IQGAP2: variants seen among roughly 807,000 people sequenced by gnomAD.
IQGAP2 encodes the protein ras GTPase-activating-like protein IQGAP2.
Under a neutral mutation model 201.3 loss-of-function variants are expected in IQGAP2, and 173 were observed. That is an observed-to-expected ratio of 0.86 (90% CI 0.76 to 0.98). The LOEUF (loss-of-function observed/expected upper bound fraction) is 0.98. Among genes scored for constraint, IQGAP2 ranks in the 50% least tolerant of loss-of-function variants. IQGAP2 has a pLI of 0.00. For synonymous variants in IQGAP2, 675 were observed against 673.9 expected (o/e 1.00, Z -0.03); for missense variants, 1,687 against 1,864.8 (o/e 0.90, Z 1.76).
chr5:76,404,335 G>A (rs769279778), intron 1 of IQGAP2: 1 of 363,546 alleles, frequency 2.8e-6, no homozygotes, highest in Non-Finnish European at 3.8e-6. Context: ...TTGGCCGATC[G>A]TGAGTGGATG....
At chr5:76,437,237 G>C (rs1752758581) in intron 1 of IQGAP2, among the ~76,000 whole-genome samples, 1 of 151,876 alleles carries the variant, frequency 6.6e-6, no homozygotes, top group Non-Finnish European at 1.5e-5. Context: ...ATTTTTAGTA[G>C]AGATGGGGTT....
intron 4 of IQGAP2, among the ~76,000 whole-genome samples, chr5:76,574,099 T>G (rs1745306637): frequency 6.6e-6 from 1 of 152,318 alleles, no homozygotes; most frequent in East Asian, 1.9e-4. Flanking sequence ...AATAGGAAAT[T>G]GCACTTGAGT....
chr5:76,670,232 C>T (rs867421400), intron 23 of IQGAP2, among the ~76,000 whole-genome samples: 16 of 152,294 alleles, frequency 1.1e-4, no homozygotes, highest in South Asian at 4.1e-4. Context: ...AACAAAAAGG[C>T]CGGGCACGGT....
chr5:76,602,459 C>T (rs958045181), intron 11 of IQGAP2, among the ~76,000 whole-genome samples: 3 of 152,180 alleles, frequency 2.0e-5, no homozygotes, highest in African/African-American at 7.2e-5. Flanking sequence ...TTTACAAATA[C>T]CCTTAAAGAA....
chr5:76,581,959 C>G (rs1375285351), intron 5 of IQGAP2, among the ~76,000 whole-genome samples: 1 of 152,180 alleles, frequency 6.6e-6, no homozygotes, highest in East Asian at 1.9e-4. Context: ...ATTTATTTAA[C>G]AAAGAATAGT....
chr5:76,668,259 T>C (rs1006236459), intron 22 of IQGAP2, among the ~76,000 whole-genome samples: 2 of 152,110 alleles, frequency 1.3e-5, no homozygotes, highest in African/African-American at 4.8e-5. Flanking sequence ...AATATTAATA[T>C]GTGGTTCAAA....
At chr5:76,628,685 A>T (rs567618102) in intron 14 of IQGAP2, 1 of 456,202 alleles carries the variant, frequency 2.2e-6, no homozygotes, top group African/African-American at 2.0e-5. Flanking sequence ...TACTCCACAG[A>T]TGGGCTTTTC....
rs370925702 is a variant in IQGAP2, at chr5:76,662,579, A to G, written c.2530-2447A>G. The stretch of plus-strand genomic sequence containing the variant: ...TATTTAAAATCAAGGTGATAGATTT[A>G]TTCTGTGTATTTGAGGGAGTTGAAC... On this transcript the variant is annotated intron_variant, in intron 21 of 35. Coordinates refer to ENST00000274364, the MANE Select transcript of IQGAP2 (RefSeq NM_006633.5). Among the ~76,000 whole-genome samples, 7 of 152,358 alleles carry G rather than the reference A, an allele frequency of 4.6e-5. No homozygotes were observed. In the East Asian group the frequency reaches 9.6e-4, roughly 21 times the overall value.
chr5:76,508,438 A>G (rs1757741667), intron 2 of IQGAP2, among the ~76,000 whole-genome samples: 3 of 152,260 alleles, frequency 2.0e-5, no homozygotes. Flanking sequence ...TTACAAATTA[A>G]AACAGCAATG....
rs75619797 is a variant in IQGAP2, at chr5:76,523,641, A to G, written c.147-38755A>G. Among the ~76,000 whole-genome samples the G allele has an allele frequency of 3.3e-3, 500 of 152,342 alleles. 1 individual carries two copies. The highest frequency in any genetic ancestry group is 0.012 in the African/African-American group (481 of 41,582). ...CCAATCAGCTATGCAGTAAGAGCTC[A>G]GTTTTCATCCTCTAGCCCTGAATAG... On this transcript the variant is annotated intron_variant, in intron 2 of 35. Coordinates refer to ENST00000274364, the MANE Select transcript of IQGAP2 (RefSeq NM_006633.5).
intron 1 of IQGAP2, among the ~76,000 whole-genome samples, chr5:76,435,963 TG>T (rs1317670026): frequency 2.0e-5 from 3 of 147,576 alleles, no homozygotes; most frequent in African/African-American, 8.1e-5. Flanking sequence ...TTTTTTGTTT[TG>T]GTTTTTTTGG....
intron 1 of IQGAP2, among the ~76,000 whole-genome samples, chr5:76,456,693 G>A (rs12697851): frequency 0.21 from 32,649 of 152,148 alleles, 3,713 homozygotes; most frequent in Middle Eastern, 0.29. Flanking sequence ...ACTCTTAGAA[G>A]ATGGTTCAAT....
Position 76,606,154 on chromosome 5 carries a change from A to G in IQGAP2, c.1233-25A>G, listed in dbSNP as rs370666292. ...CGAAGAATGAATGTCTCTAATTAAC[A>G]TCAAGATTATTTTCTCTTCCACAGT... On this transcript the variant is annotated intron_variant, in intron 11 of 35. Coordinates refer to ENST00000274364, the MANE Select transcript of IQGAP2 (RefSeq NM_006633.5). The G allele has an allele frequency of 1.4e-5, 22 of 1,570,164 alleles. No individual in the cohort carries two copies. The African/African-American group carries it at 1.5e-4, about 11-fold the overall frequency.
chr5:76,690,176 T>G (rs954720741), intron 30 of IQGAP2, among the ~76,000 whole-genome samples: 2 of 152,160 alleles, frequency 1.3e-5, no homozygotes, highest in African/African-American at 2.4e-5. Flanking sequence ...TCCAGAATGT[T>G]ATATTTGGAC....
chr5:76,483,004 A>G (rs986524936), intron 2 of IQGAP2, among the ~76,000 whole-genome samples: 2 of 152,218 alleles, frequency 1.3e-5, no homozygotes. Flanking sequence ...TAAGCGCTAC[A>G]TTGCTATGAA....
intron 2 of IQGAP2, among the ~76,000 whole-genome samples, chr5:76,548,287 T>C (rs1317288458): frequency 6.6e-6 from 1 of 152,222 alleles, no homozygotes; most frequent in East Asian, 1.9e-4. Flanking sequence ...TGAACACAGC[T>C]GTACCCCCAC....
chr5:76,415,799 G>A (rs935610668), intron 1 of IQGAP2, among the ~76,000 whole-genome samples: 3 of 152,112 alleles, frequency 2.0e-5, no homozygotes, highest in Non-Finnish European at 4.4e-5. Context: ...AAAAATATTA[G>A]CTGGGTATGG....
At chr5:76,633,788 A>G (rs563869626) in intron 15 of IQGAP2, among the ~76,000 whole-genome samples, 4 of 152,282 alleles carry the variant, frequency 2.6e-5, no homozygotes, top group South Asian at 4.1e-4. Context: ...TATACAATAC[A>G]TAGCCTTTTG....
intron 27 of IQGAP2, among the ~76,000 whole-genome samples, 157 bp downstream of exon 27, chr5:76,674,866 A>G (rs1276015086): frequency 6.6e-6 from 1 of 152,164 alleles, no homozygotes; most frequent in Non-Finnish European, 1.5e-5. Context: ...GAGAGAGGGA[A>G]GTGCAGGCAA....
Sources: gnomAD v4.1 joint callset for allele counts (sites outside exome capture counted in the v4.1 genomes callset) on GRCh38, gnomAD v4.1.1 for gene constraint, MANE v1.5 for transcripts, NCBI Gene and HGNC (gene_info 2026-07-23, HGNC 2026-07-21) for gene names.